The following BICC1 variants were observed in gnomAD, a reference collection of about 807,000 sequenced individuals.
The protein encoded by BICC1 is BicC family RNA binding protein 1.
A neutral mutation model predicts 111.0 loss-of-function variants in BICC1; 43 were observed. That is an observed-to-expected ratio of 0.39 (90% CI 0.30 to 0.50). The LOEUF (loss-of-function observed/expected upper bound fraction) is 0.50. Among genes scored for constraint, BICC1 ranks in the 20% least tolerant of loss-of-function variants. BICC1 has a pLI of 0.88. For synonymous variants in BICC1, 467 were observed against 434.4 expected (o/e 1.07, Z -0.93); for missense variants, 1,091 against 1,203.2 (o/e 0.91, Z 1.38).
At chr10:58,547,020 T>C (rs1472202739) in intron 1 of BICC1, among the ~76,000 whole-genome samples, 1 of 152,182 alleles carries the variant, frequency 6.6e-6, no homozygotes, top group Non-Finnish European at 1.5e-5. Context: ...GCAACCTTTT[T>C]ATTTTAGAGC....
In BICC1 at chr10:58,663,142, C is replaced by T. The variant is rs143142690; in HGVS notation, c.238-38932C>T. ...AGTGCAGTGGCACTATCTCGGCTCA[C>T]TGCAACCTTTGCTTCCTGGGTTGAC... On this transcript the variant is annotated intron_variant, in intron 2 of 20. Coordinates refer to ENST00000373886, the MANE Select transcript of BICC1 (RefSeq NM_001080512.3). 9.9e-4 allele frequency among the ~76,000 whole-genome samples: 147 copies of T among 147,902 alleles called. 1 individual carries two copies. The East Asian group carries it at 0.024, about 25-fold the overall frequency.
chr10:58,673,759 A>G (rs1318619865), intron 2 of BICC1, among the ~76,000 whole-genome samples: 1 of 149,500 alleles, frequency 6.7e-6, no homozygotes, highest in Non-Finnish European at 1.5e-5. Flanking sequence ...AGTAGCTGGG[A>G]CTACAGGTGT....
At chr10:58,756,626 C>CT (rs66709538) in intron 3 of BICC1, among the ~76,000 whole-genome samples, 1,373 of 135,302 alleles carry the variant, frequency 0.01, 59 homozygotes, top group Non-Finnish European at 0.013. Context: ...AACTACTAGC[C>CT]TTTTTTTTTT....
chr10:58,729,908 A>G (rs765054680), intron 3 of BICC1, among the ~76,000 whole-genome samples: 9 of 152,210 alleles, frequency 5.9e-5, no homozygotes, highest in Non-Finnish European at 8.8e-5. Context: ...ACAATTCAAC[A>G]TGAGGTTTTG....
intron 20 of BICC1, among the ~76,000 whole-genome samples, chr10:58,825,568 AACAG>A (rs1413272952): frequency 5.3e-5 from 8 of 152,202 alleles, no homozygotes; most frequent in East Asian, 1.9e-4. Context: ...GAGAAATGTA[AACAG>A]ACAAAGACAT....
At chr10:58,750,481 C>G (rs1189877725) in intron 3 of BICC1, among the ~76,000 whole-genome samples, 1 of 152,064 alleles carries the variant, frequency 6.6e-6, no homozygotes, top group Non-Finnish European at 1.5e-5. Context: ...CATAAGAACT[C>G]TAAGATTTGT....
chr10:58,804,970 A>G (rs1564624297), intron 15 of BICC1, among the ~76,000 whole-genome samples: 1 of 152,070 alleles, frequency 6.6e-6, no homozygotes, highest in East Asian at 1.9e-4. Flanking sequence ...AATTTATTTT[A>G]TAGTTATTTC....
At chr10:58,773,942 A>AT (rs1842683572) in intron 3 of BICC1, among the ~76,000 whole-genome samples, 1 of 152,226 alleles carries the variant, frequency 6.6e-6, no homozygotes, top group Non-Finnish European at 1.5e-5. Flanking sequence ...AAAGAGCAGT[A>AT]TACCCCCACT....
chr10:58,629,406 G>A (rs2132167601), intron 2 of BICC1, among the ~76,000 whole-genome samples: 1 of 152,008 alleles, frequency 6.6e-6, no homozygotes, highest in Admixed American at 6.6e-5. Flanking sequence ...ATTAATACAA[G>A]ATAAATGTTT....
intron 1 of BICC1, among the ~76,000 whole-genome samples, chr10:58,565,614 C>T (rs1004340589): frequency 3.3e-5 from 5 of 152,072 alleles, no homozygotes; most frequent in Non-Finnish European, 5.9e-5. Context: ...AAATACTTAA[C>T]TGGAAACCTT....
intron 1 of BICC1, among the ~76,000 whole-genome samples, chr10:58,558,791 T>C (rs1172215778): frequency 2.6e-5 from 4 of 152,172 alleles, no homozygotes. Context: ...ACAGTATAGG[T>C]GTCTAATGAG....
intron 1 of BICC1, among the ~76,000 whole-genome samples, chr10:58,541,245 G>T (rs974075517): frequency 6.6e-6 from 1 of 151,966 alleles, no homozygotes; most frequent in African/African-American, 2.4e-5. Context: ...AAATAGGAAA[G>T]GAATAAATAT....
intron 3 of BICC1, among the ~76,000 whole-genome samples, chr10:58,741,338 C>T (rs953208399): frequency 6.6e-6 from 1 of 152,226 alleles, no homozygotes; most frequent in East Asian, 1.9e-4. Flanking sequence ...GAGCTTTAAC[C>T]TTGTAACAGC....
chr10:58,583,596 G>C (rs1343855486), intron 1 of BICC1, among the ~76,000 whole-genome samples: 3,242 of 149,806 alleles, frequency 0.022, 86 homozygotes, highest in African/African-American at 0.062. Flanking sequence ...GTGTGTGTGT[G>C]TGTGTGTGTG....
chr10:58,525,554 G>A (rs1394548656), intron 1 of BICC1, among the ~76,000 whole-genome samples: 2 of 120,934 alleles, frequency 1.7e-5, no homozygotes, highest in Admixed American at 9.7e-5. Flanking sequence ...ACACACTGGG[G>A]CCTGTTGTGG....
At chr10:58,726,633 C>T (rs1440165037) in intron 3 of BICC1, among the ~76,000 whole-genome samples, 1 of 152,154 alleles carries the variant, frequency 6.6e-6, no homozygotes, top group Non-Finnish European at 1.5e-5. Flanking sequence ...ATATGTCATG[C>T]ACAAATAGGA....
chr10:58,543,858 C>G (rs1843063866), intron 1 of BICC1, among the ~76,000 whole-genome samples: 1 of 149,104 alleles, frequency 6.7e-6, no homozygotes, highest in Admixed American at 6.7e-5. Context: ...AAGAAACCAC[C>G]TGTCTGCATT....
At chr10:58,561,017 A>G (rs2131948283) in intron 1 of BICC1, among the ~76,000 whole-genome samples, 1 of 152,108 alleles carries the variant, frequency 6.6e-6, no homozygotes, top group Admixed American at 6.6e-5. Flanking sequence ...CTGTTGGATG[A>G]AATGTTCTGT....
chr10:58,532,861 G>T (rs944913508), intron 1 of BICC1, among the ~76,000 whole-genome samples: 1 of 151,764 alleles, frequency 6.6e-6, no homozygotes, highest in South Asian at 2.1e-4. Context: ...AGCATTTCTC[G>T]AAAGAATTGT....
Sources: gnomAD v4.1 joint callset for allele counts (sites outside exome capture counted in the v4.1 genomes callset) on GRCh38, gnomAD v4.1.1 for gene constraint, MANE v1.5 for transcripts, NCBI Gene and HGNC (gene_info 2026-07-23, HGNC 2026-07-21) for gene names.